The following COL9A3 variants were observed in gnomAD, a reference collection of about 807,000 sequenced individuals.
The protein encoded by COL9A3 is collagen alpha-3(IX) chain.
COL9A3 carries 82 observed loss-of-function variants against 110.2 expected under a neutral mutation model. The ratio of observed to expected loss-of-function variants is 0.74; its 90% CI spans 0.62 to 0.89. The LOEUF (loss-of-function observed/expected upper bound fraction) is 0.89. COL9A3 is among the 40% of genes least tolerant of loss of function. The pLI is 0.00. For missense variants in COL9A3, 1,066 were observed against 981.3 expected, an observed-to-expected ratio of 1.09 and a Z score of -1.15; for synonymous variants, 494 against 403.8, an observed-to-expected ratio of 1.22 and a Z score of -2.68.
At chr20:62,818,236 G>A (rs1346407524) in intron 2 of COL9A3, among the ~76,000 whole-genome samples, 2 of 152,166 alleles carry the variant, frequency 1.3e-5, no homozygotes, top group African/African-American at 2.4e-5. Flanking sequence ...GTGGAGGGCT[G>A]CACCAAGAGC....
In COL9A3 at chr20:62,829,787, G is replaced by C. The variant is rs1255216422; in HGVS notation, c.1129G>C (p.Glu377Gln). The change falls in exon 22 of 32, where the codon GAG becomes CAG. Residue 377 changes from glutamate to glutamine, a missense_variant. Coordinates refer to ENST00000649368, the MANE Select transcript of COL9A3 (RefSeq NM_001853.4). ...GTAGGGAGATGCTGGCATGCCTGGGGAGCGCGGTGAGGCTGGCCACCGGGG... is the reference window on the plus strand; with the variant it reads ...GTAGGGAGATGCTGGCATGCCTGGGCAGCGCGGTGAGGCTGGCCACCGGGG... The part of the protein sequence containing the change: ...GVPGDAGMPG[E>Q]RGEAGHRGSA... 15 of 1,586,012 alleles carry C rather than the reference G, an allele frequency of 9.5e-6. No individual in the cohort carries two copies. The highest frequency in any genetic ancestry group is 1.1e-5 in the Non-Finnish European group (13 of 1,166,694).
chr20:62,840,286 A>G (rs1486390347), intron 31 of COL9A3, among the ~76,000 whole-genome samples: 1 of 151,432 alleles, frequency 6.6e-6, no homozygotes, highest in African/African-American at 2.4e-5. Context: ...CGCGTAAGTC[A>G]GAGTGCGGGT....
rs1600810127 is a variant in COL9A3 at position 62,836,206 on chromosome 20, TGGGCCCCAAAGGCACCCA to T, written c.1425_1442del (p.Lys477_Pro482del). The stretch of plus-strand genomic sequence containing the variant: ...CTGCAGTCTGGCAGTCGAGGGGAGC[TGGGCCCCAAAGGCACCCA>T]GGGTCCCAACGGCACCAGCGGTGTT... On this transcript the variant is annotated inframe_deletion, in exon 28 of 32. Coordinates refer to ENST00000649368, the MANE Select transcript of COL9A3 (RefSeq NM_001853.4). 6.2e-7 allele frequency: 1 copy of T among 1,613,440 alleles called. No homozygotes were observed. Among genetic ancestry groups the T allele is most frequent in the Non-Finnish European group, 8.5e-7 (1 of 1,179,944 alleles).
chr20:62,835,769 G>A (rs2063629977), intron 26 of COL9A3, 152 bp from the exon 27 acceptor site: 22 of 784,818 alleles, frequency 2.8e-5, no homozygotes. Context: ...TATAAAAAAT[G>A]TATATAGAAG....
Position 62,834,733 on chromosome 20 carries a change from C to T in COL9A3, c.1369-1188C>T, listed in dbSNP as rs185437211. On this transcript the variant is annotated intron_variant, in intron 26 of 31. Transcript: ENST00000649368. ...TCTCAGCTCACTGCAATCTCTGCCTCCTGCGTTCAAGCGATTCTCCTGCCT... is the reference window on the plus strand; with the variant it reads ...TCTCAGCTCACTGCAATCTCTGCCTTCTGCGTTCAAGCGATTCTCCTGCCT... Among the ~76,000 whole-genome samples the T allele has an allele frequency of 1.5e-3, 233 of 152,124 alleles. 3 individuals carry two copies. Among genetic ancestry groups the T allele is most frequent in the South Asian group, 0.012 (60 of 4,804 alleles).
chr20:62,823,939 G>T (rs1464310925), intron 10 of COL9A3, among the ~76,000 whole-genome samples: 9 of 152,204 alleles, frequency 5.9e-5, no homozygotes, highest in Admixed American at 5.9e-4. Flanking sequence ...GACCCTGTCT[G>T]TGTCCTGTCC....
At chr20:62,840,252 T>C (rs995121981) in intron 31 of COL9A3, among the ~76,000 whole-genome samples, 1 of 149,110 alleles carries the variant, frequency 6.7e-6, no homozygotes, top group Non-Finnish European at 1.5e-5. Flanking sequence ...ATCCACTCCT[T>C]ACTCACACAG....
chr20:62,822,265 A>C, intron 9 of COL9A3, 101 bp downstream of exon 9: 1 of 803,460 alleles, frequency 1.2e-6, no homozygotes, highest in Non-Finnish European at 2.2e-6. Context: ...CCCCTCCGAG[A>C]TCTCCTAACC....
At chr20:62,835,167 G>A (rs2063625685) in intron 26 of COL9A3, among the ~76,000 whole-genome samples, 1 of 152,264 alleles carries the variant, frequency 6.6e-6, no homozygotes, top group Non-Finnish European at 1.5e-5. Context: ...CTGCTGTGCG[G>A]TTAGACTGTG....
In COL9A3 at chr20:62,832,326, CAGTCGCCCTTT is replaced by C. The variant is rs3215569; in HGVS notation, c.1323+138_1323+148del. On this transcript the variant is annotated intron_variant, in intron 25 of 31. Transcript: ENST00000649368. The stretch of plus-strand genomic sequence containing the variant: ...TCCTTTCTCCTCTTGCCGTGTCTGT[CAGTCGCCCTTT>C]CTGGCTCCTGCCCCTCCTGCTTAGC... 0.18 allele frequency: 165,731 copies of C among 909,578 alleles called. 17,314 individuals carry two copies. The highest frequency in any genetic ancestry group is 0.4 in the African/African-American group (24,072 of 59,896). 56.3% of individuals were successfully genotyped at this position (909,578 alleles called of 1,614,324 possible). A position where few individuals can be genotyped will look rare whatever the true frequency, so the allele number is the denominator to read the frequency against.
At chr20:62,826,474 G>A (rs1456436363) in intron 14 of COL9A3, among the ~76,000 whole-genome samples, 3 of 152,128 alleles carry the variant, frequency 2.0e-5, no homozygotes, top group South Asian at 2.1e-4. Flanking sequence ...GCCCGCACGC[G>A]GTCCCAGGCT....
intron 25 of COL9A3, chr20:62,832,807 AAT>A: frequency 1.8e-6 from 1 of 554,000 alleles, no homozygotes; most frequent in Non-Finnish European, 3.3e-6. Context: ...TATGCAAACA[AAT>A]GTCTTCCGTT....
intron 6 of COL9A3, 21 bp downstream of exon 6, chr20:62,821,237 T>C (rs1033764149): frequency 9.9e-6 from 16 of 1,611,142 alleles, no homozygotes; most frequent in Non-Finnish European, 1.4e-5. Flanking sequence ...AGTGTGGTCC[T>C]CTCCTCTCCA....
chr20:62,821,516 C>T lies in COL9A3; in HGVS notation c.355C>T (p.Leu119Phe). ...PGPPGLGGKGLPGPPGEAGVS... is the reference protein window; with the variant it reads ...PGPPGLGGKGFPGPPGEAGVS... ...ATGTTTGGCTTTGCAGGGCAAAGGC[C>T]TCCCTGGACCCCCCGTGAGTACTGA... The change falls in exon 7 of 32, where the codon CTC (leucine) becomes TTC (phenylalanine). Residue 119 changes from leucine (L) to phenylalanine (F), a missense_variant. Physicochemically the swap from Leu to Phe is conservative, Grantham distance 22. Transcript: ENST00000649368. The T allele has an allele frequency of 6.2e-7, 1 of 1,612,882 alleles. No homozygotes were observed. Among genetic ancestry groups the T allele is most frequent in the Non-Finnish European group, 8.5e-7 (1 of 1,179,960 alleles).
rs763323625 is a variant in COL9A3, at chr20:62,825,858, C to T, written c.672C>T (p.Ser224=). The change falls in exon 13 of 32, where the codon AGC becomes AGT. Residue 224 remains serine (S), a synonymous_variant. Transcript: ENST00000649368. Reference sequence around the variant, plus strand: ...CTGGGCCCGCCGGCCTCCCGGGCAGCGTGGGGCTGCAGGTGAGGCTAGGAA... The same window carrying T: ...CTGGGCCCGCCGGCCTCCCGGGCAGTGTGGGGCTGCAGGTGAGGCTAGGAA... ...GPPGPAGLPG[S]VGLQGPRGLR... is the part of the protein sequence containing the mutation. The T allele has an allele frequency of 8.3e-6, 13 of 1,559,226 alleles. No individual in the cohort carries two copies. The highest frequency in any genetic ancestry group is 1.7e-4 in the Middle Eastern group (1 of 6,004).
In COL9A3 at chr20:62,829,696, C is replaced by T. The variant is rs371755467; in HGVS notation, c.1107+15C>T. On this transcript the variant is annotated intron_variant, in intron 21 of 31. Coordinates refer to ENST00000649368, the MANE Select transcript of COL9A3 (RefSeq NM_001853.4). ...CAGGCGTCCCTGTGAGTATCTGCGG[C>T]GCCCCAGACCCCTCCCCATCCAGCC... 159 of 1,604,890 alleles carry T rather than the reference C, an allele frequency of 9.9e-5. No individual in the cohort carries two copies. The highest frequency in any genetic ancestry group is 1.7e-4 in the Admixed American group (10 of 58,698).
chr20:62,819,832 G>A (rs1991060060), intron 4 of COL9A3, 97 bp from the exon 5 acceptor site: 1 of 1,363,602 alleles, frequency 7.3e-7, no homozygotes, highest in Non-Finnish European at 1.0e-6. Flanking sequence ...TGCCTCTCTG[G>A]ACTCACCAAG....
rs2294989 is a variant in COL9A3, at chr20:62,822,403, G to A, written c.478-188G>A. 0.35 allele frequency among the ~76,000 whole-genome samples: 53,418 copies of A among 151,892 alleles called. 9,795 individuals carry two copies. The highest frequency in any genetic ancestry group is 0.41 in the Non-Finnish European group (27,740 of 67,910). On this transcript the variant is annotated intron_variant, in intron 9 of 31. Coordinates refer to ENST00000649368, the MANE Select transcript of COL9A3 (RefSeq NM_001853.4). The stretch of plus-strand genomic sequence containing the variant: ...GCCCCAAGGACAGGTGGATTCTGTC[G>A]TTGTCACATGCCCTGTGGGTGGGCC...
intron 10 of COL9A3, among the ~76,000 whole-genome samples, chr20:62,823,521 A>C (rs1361674583): frequency 6.6e-6 from 1 of 151,626 alleles, no homozygotes; most frequent in Non-Finnish European, 1.5e-5. Flanking sequence ...TCCTCACCCC[A>C]CCCCGGGGCC....
Sources: gnomAD v4.1 joint callset for allele counts (sites outside exome capture counted in the v4.1 genomes callset) on GRCh38, gnomAD v4.1.1 for gene constraint, MANE v1.5 for transcripts, NCBI Gene and HGNC (gene_info 2026-07-23, HGNC 2026-07-21) for gene names.